MACF1: variants seen among roughly 807,000 people sequenced by gnomAD.
MACF1 encodes microtubule actin crosslinking factor 1, also known as microtubule-actin cross-linking factor 1.
A neutral mutation model predicts 854.8 loss-of-function variants in MACF1; 193 were observed. The ratio of observed to expected loss-of-function variants is 0.23; its 90% CI spans 0.20 to 0.25. The LOEUF (loss-of-function observed/expected upper bound fraction) is 0.25, where lower values mean the gene tolerates loss of function less well. MACF1 is among the 10% of genes least tolerant of loss of function. The pLI is 1.00. For missense variants in MACF1, 7,722 were observed against 8,929.1 expected, an observed-to-expected ratio of 0.86 and a Z score of 5.45; for synonymous variants, 3,185 against 3,226.7, an observed-to-expected ratio of 0.99 and a Z score of 0.44.
intron 28 of MACF1, 28 bp from the exon 29 acceptor site, chr1:39,317,186 A>G (rs377077775): frequency 1.4e-5 from 22 of 1,606,962 alleles, no homozygotes; most frequent in Admixed American, 1.0e-4. Flanking sequence ...AAAGTATACA[A>G]CCTGTTTCTG....
chr1:39,141,720 T>A (rs927977213), intron 2 of MACF1, among the ~76,000 whole-genome samples: 1 of 152,214 alleles, frequency 6.6e-6, no homozygotes, highest in African/African-American at 2.4e-5. Context: ...CTAATAATTT[T>A]AAAAAGTACA....
rs757871421 is a variant in MACF1, at chr1:39,430,794, C to A, written c.17223C>A (p.Ala5741=). 2.5e-6 allele frequency: 4 copies of A among 1,612,410 alleles called. No homozygotes were observed. The East Asian group carries it at 8.9e-5, about 36-fold the overall frequency. The stretch of plus-strand genomic sequence containing the variant: ...TCTTAGAGCTGGTGCCCTGGAGAGC[C>A]AGAGAAGGGCTGGATAAACTTGTGT... ...RALLELVPWR[A]REGLDKLVSD... The change falls in exon 66 of 101, where the codon GCC becomes GCA. Residue 5741 remains alanine (A), a synonymous_variant. Coordinates refer to ENST00000564288, the MANE Select transcript of MACF1 (RefSeq NM_001394062.1).
Position 39,342,331 on chromosome 1 carries a change from G to A in MACF1, c.10581+1378G>A, listed in dbSNP as rs55973664. ...GCATTTAGGTTGATTCCATATCTTT[G>A]CTATTGTGAATAGTGCTGTACTGAA... On this transcript the variant is annotated intron_variant, in intron 40 of 100. Coordinates refer to ENST00000564288, the MANE Select transcript of MACF1 (RefSeq NM_001394062.1). Among the ~76,000 whole-genome samples, 774 of 152,102 alleles carry A rather than the reference G, an allele frequency of 5.1e-3. 7 individuals are homozygous for A. The highest frequency in any genetic ancestry group is 0.018 in the African/African-American group (741 of 41,480).
At chr1:39,288,137 G>A (rs1026597878) in intron 15 of MACF1, among the ~76,000 whole-genome samples, 2 of 152,044 alleles carry the variant, frequency 1.3e-5, no homozygotes, top group East Asian at 1.9e-4. Flanking sequence ...TGAGGTATCC[G>A]TCATCTCAGG....
chr1:39,408,727 T>G (rs1642821780), intron 58 of MACF1, among the ~76,000 whole-genome samples: 1 of 152,012 alleles, frequency 6.6e-6, no homozygotes, highest in South Asian at 2.1e-4. Flanking sequence ...TCGCGCGGGT[T>G]CCGTTCCTCT....
intron 72 of MACF1, among the ~76,000 whole-genome samples, chr1:39,440,753 C>A (rs910866043): frequency 1.3e-5 from 2 of 152,026 alleles, no homozygotes; most frequent in Non-Finnish European, 2.9e-5. Flanking sequence ...AGGGGTGAAC[C>A]TTTGGTAAAT....
rs963342693 is a variant in MACF1 at position 39,336,789 on chromosome 1, G to A, written c.10065+136G>A. The A allele has an allele frequency of 1.2e-5, 10 of 846,222 alleles. No individual in the cohort carries two copies. The African/African-American group carries it at 1.4e-4, about 12-fold the overall frequency. The allele number at this position is 846,222 out of a possible 1,614,324, so 52.4% of individuals were successfully genotyped here. ...TTTAAGGCACTAGATGATTCTCTAA[G>A]ATATAACTTAGTTTATCATCATCTG... On this transcript the variant is annotated intron_variant, in intron 37 of 100. Transcript: ENST00000564288.
chr1:39,445,744 A>G (rs1401387785), intron 80 of MACF1, among the ~76,000 whole-genome samples: 1 of 152,204 alleles, frequency 6.6e-6, no homozygotes, highest in Non-Finnish European at 1.5e-5. Context: ...GGATTGCTTA[A>G]CACCAGGAGT....
At chr1:39,296,624 G>A (rs1170351509) in intron 20 of MACF1, among the ~76,000 whole-genome samples, 1 of 151,668 alleles carries the variant, frequency 6.6e-6, no homozygotes. Flanking sequence ...CAGCTACTTG[G>A]GAAGCTGAGG....
rs772218243 is a variant in MACF1, at chr1:39,444,726, T to C, written c.19496T>C (p.Leu6499Pro). 24 of 1,614,178 alleles carry C rather than the reference T, an allele frequency of 1.5e-5. No individual in the cohort carries two copies. Among genetic ancestry groups the C allele is most frequent in the Non-Finnish European group, 1.9e-5 (23 of 1,180,026 alleles). The stretch of plus-strand genomic sequence containing the variant: ...AATCAACTACTTGACAAGGGCAGAC[T>C]CATGCTTCTAAGCCGTGACGACTCT... The part of the protein sequence containing the change: ...TYNQLLDKGR[L>P]MLLSRDDSGS... The change falls in exon 80 of 101, where the codon CTC becomes CCC. Residue 6499 changes from leucine (L) to proline (P), a missense_variant. This residue lies in a region of MACF1 where 729 missense variants were observed against 900.5 expected (regional missense o/e 0.81). Coordinates refer to ENST00000564288, the MANE Select transcript of MACF1 (RefSeq NM_001394062.1).
chr1:39,280,342 A>C (rs909983056), intron 6 of MACF1, among the ~76,000 whole-genome samples: 1 of 152,208 alleles, frequency 6.6e-6, no homozygotes, highest in Admixed American at 6.5e-5. Flanking sequence ...AATGCACCAA[A>C]GGACTGTGAT....
rs1470861902 is a variant in MACF1, at chr1:39,484,463, G to T, written c.22282-138G>T. The T allele has an allele frequency of 1.6e-5, 12 of 727,514 alleles. No homozygotes were observed. The Admixed American group carries it at 3.6e-4, about 22-fold the overall frequency. 45.1% of individuals were successfully genotyped at this position (727,514 alleles called of 1,614,324 possible). A position where few individuals can be genotyped will look rare whatever the true frequency, so the allele number is the denominator to read the frequency against. On this transcript the variant is annotated intron_variant, in intron 99 of 100. Transcript: ENST00000564288. ...ATATATGACCTAGGATACTTTAAGA[G>T]AAATCTTTGTTTTCCTGGACTTTTA...
chr1:39,230,383 C>T (rs1476203623), intron 1 of MACF1, among the ~76,000 whole-genome samples: 1 of 152,058 alleles, frequency 6.6e-6, no homozygotes, highest in Non-Finnish European at 1.5e-5. Flanking sequence ...TGGTCAATGA[C>T]AGTGAGGATG....
intron 2 of MACF1, among the ~76,000 whole-genome samples, chr1:39,144,671 A>G (rs1362529256): frequency 1.3e-5 from 2 of 150,480 alleles, no homozygotes; most frequent in Admixed American, 6.6e-5. Flanking sequence ...TTTTTTTTCA[A>G]ATAGAGACAA....
At position 39,185,934 on chromosome 1, in the gene MACF1, G is replaced by GAGC. The variant is rs1227253774; in HGVS notation, c.221-45246_221-45245insCAG. On this transcript the variant is annotated intron_variant, in intron 2 of 93. Coordinates refer to the MACF1 transcript ENST00000361689. ...GGTGTATTTGATTTGGGAGCCCCCT[G>GAGC]AGGGTAATCTGTGGTGATGCTGTTT... Among the ~76,000 whole-genome samples the GAGC allele has an allele frequency of 2.0e-5, 3 of 152,160 alleles. No homozygotes were observed. The East Asian group carries it at 5.8e-4, about 29-fold the overall frequency.
intron 2 of MACF1, among the ~76,000 whole-genome samples, chr1:39,169,649 A>G (rs1284090180): frequency 2.0e-5 from 3 of 150,792 alleles, no homozygotes; most frequent in Admixed American, 2.0e-4. Flanking sequence ...TCCCCTTCCT[A>G]CTTAACCAGG....
intron 2 of MACF1, among the ~76,000 whole-genome samples, chr1:39,166,510 G>A (rs1643884617): frequency 6.6e-6 from 1 of 151,682 alleles, no homozygotes; most frequent in Non-Finnish European, 1.5e-5. Context: ...AGGCTGGAGT[G>A]CAGTGGTGCG....
intron 40 of MACF1, 113 bp from the exon 41 acceptor site, chr1:39,346,864 G>A: frequency 1.4e-6 from 1 of 731,364 alleles, no homozygotes. Context: ...ATTAGTGCCA[G>A]TTATGAAAAT....
intron 2 of MACF1, among the ~76,000 whole-genome samples, chr1:39,097,727 AAAAG>A (rs1221848957): frequency 3.9e-5 from 6 of 151,996 alleles, no homozygotes; most frequent in African/African-American, 1.2e-4. Context: ...GTCTCAAAAA[AAAAG>A]AAATTCATCA....
Sources: gnomAD v4.1 joint callset for allele counts (sites outside exome capture counted in the v4.1 genomes callset) on GRCh38, gnomAD v4.1.1 for gene constraint, gnomAD v4.1.1 regional missense constraint, MANE v1.5 for transcripts, NCBI Gene and HGNC (gene_info 2026-07-23, HGNC 2026-07-21) for gene names.